ZNF300: variants seen among roughly 807,000 people sequenced by gnomAD.
ZNF300 encodes kruppel-like zinc finger protein.
Under a neutral mutation model 13.9 loss-of-function variants are expected in ZNF300, and 6 were observed. The observed-to-expected ratio is 0.43, with a 90% CI of 0.24 to 0.85. The LOEUF (loss-of-function observed/expected upper bound fraction) is 0.85, where lower values mean the gene tolerates loss of function less well. Ranked by LOEUF, ZNF300 falls within the 40% of genes least tolerant of loss-of-function variation. The probability of loss-of-function intolerance (pLI) is 0.25; values close to 1 mark genes in which losing one functional copy is unlikely to be tolerated. For synonymous variants in ZNF300, 237 were observed against 242.2 expected (o/e 0.98, Z 0.20); for missense variants, 662 against 714.2 (o/e 0.93, Z 0.83).
rs781493223 is a variant in ZNF300, at chr5:150,896,465, T to C, written c.774A>G (p.Gln258=). The C allele has an allele frequency of 9.9e-6, 16 of 1,613,428 alleles. No individual in the cohort carries two copies. The highest frequency in any genetic ancestry group is 3.3e-5 in the Admixed American group (2 of 59,886). The part of the protein sequence containing the change: ...NVFRNTQSLI[Q]YQNVETKEKS... ...TCTCTTTAGTTTCCACATTCTGATA[T>C]TGAATAAGGGATTGTGTATTTCTAA... is the stretch of plus-strand genomic sequence containing the variant. The change falls in exon 6 of 6, where the codon CAA becomes CAG. Residue 258 remains glutamine (Q), a synonymous_variant. Transcript: ENST00000274599.
intron 3 of ZNF300, among the ~76,000 whole-genome samples, chr5:150,902,835 G>A (rs1225935070): frequency 2.6e-5 from 4 of 152,134 alleles, no homozygotes; most frequent in Admixed American, 6.5e-5. Context: ...AAGCCAAAAA[G>A]GAATTTATTT....
At position 150,897,912 on chromosome 5, in the gene ZNF300, T is replaced by C. The variant is rs962743024; in HGVS notation, c.265+150A>G. On this transcript the variant is annotated intron_variant, in intron 5 of 5. Transcript: ENST00000274599. ...CACAAGAGACAGGATCAACAACAAATAGAACTCCTCTGAAAGGCTTCACAA... is the reference window on the plus strand; with the variant it reads ...CACAAGAGACAGGATCAACAACAAACAGAACTCCTCTGAAAGGCTTCACAA... 23 of 840,474 alleles carry C rather than the reference T, an allele frequency of 2.7e-5. No homozygotes were observed. The African/African-American group carries it at 3.6e-4, about 13-fold the overall frequency. 52.1% of individuals were successfully genotyped at this position (840,474 alleles called of 1,614,324 possible).
At chr5:150,902,991 T>A in intron 3 of ZNF300, 150 bp downstream of exon 3, 1 of 795,536 alleles carries the variant, frequency 1.3e-6, no homozygotes. Context: ...GCCAGCCAGG[T>A]TTTTTACATA....
In ZNF300 at chr5:150,896,409, G is replaced by T; in HGVS notation, c.830C>A (p.Ala277Asp). 6.2e-7 allele frequency: 1 copy of T among 1,613,582 alleles called. No individual in the cohort carries two copies. The highest frequency in any genetic ancestry group is 8.5e-7 in the Non-Finnish European group (1 of 1,179,836). ...AATGAGTTGTGACTTCTTAGCAAAG[G>T]CTTTTCCACATGTAACACATACACA... ...KSCVCVTCGK[A>D]FAKKSQLIVH... Residue 277 changes from alanine (A) to aspartate (D), a missense_variant, in exon 6 of 6, where the codon GCC becomes GAC. Ala to Asp is a moderately radical substitution (Grantham distance 126). Transcript: ENST00000274599.
intron 3 of ZNF300, among the ~76,000 whole-genome samples, chr5:150,901,119 T>G (rs1351439503): frequency 6.6e-6 from 1 of 152,030 alleles, no homozygotes; most frequent in African/African-American, 2.4e-5. Flanking sequence ...GGTAGGGAAC[T>G]AATATACAGC....
At chr5:150,904,311 C>G (rs1755076843) in intron 1 of ZNF300, among the ~76,000 whole-genome samples, 1 of 152,052 alleles carries the variant, frequency 6.6e-6, no homozygotes, top group Non-Finnish European at 1.5e-5. Flanking sequence ...ATGTGGCTGA[C>G]CACCATGACA....
chr5:150,902,316 CA>C (rs1407728165), intron 3 of ZNF300, among the ~76,000 whole-genome samples: 1 of 152,046 alleles, frequency 6.6e-6, no homozygotes, highest in African/African-American at 2.4e-5. Flanking sequence ...AAAGATTTGC[CA>C]GATAAATATA....
chr5:150,896,136 AG>A lies in ZNF300; in HGVS notation c.1102del (p.Leu368SerfsTer29). 6.2e-7 allele frequency: 1 copy of A among 1,613,338 alleles called. No homozygotes were observed. Among genetic ancestry groups the A allele is most frequent in the Non-Finnish European group, 8.5e-7 (1 of 1,179,702 alleles). ...AGTATGTATTCTCTGATGTATAATGAGGGGTGATTTCTGGGAGAAGGCTTTC... is the reference window on the plus strand; with the variant it reads ...AGTATGTATTCTCTGATGTATAATGAGGGTGATTTCTGGGAGAAGGCTTTC... ...CGKAFSQKSP[L>X]IIHQRIHTGE... On this transcript the variant is annotated frameshift_variant, in exon 6 of 6. Coordinates refer to ENST00000274599, the MANE Select transcript of ZNF300 (RefSeq NM_052860.4). LOFTEE classifies it low-confidence loss of function (END_TRUNC).
rs775322249 is a variant in ZNF300, at chr5:150,896,630, A to C, written c.609T>G (p.Cys203Trp). Residue 203 changes from cysteine to tryptophan, a missense_variant, in exon 6 of 6, where the codon TGT becomes TGG. By Grantham distance (215) the Cys-to-Trp change is radical. Transcript: ENST00000274599. ...NLKPNIDLPS[C>W]YKSNSRKKPD... ...GTTTTTTTCTTGAATTGCTCTTATA[A>C]CAACTCGGTAGGTCAATATTTGGTT... is the stretch of plus-strand genomic sequence containing the variant. 4 of 1,613,498 alleles carry C rather than the reference A, an allele frequency of 2.5e-6. No individual in the cohort carries two copies. In the African/African-American group the frequency reaches 4.0e-5, roughly 16 times the overall value.
intron 2 of ZNF300, 195 bp from the exon 3 acceptor site, chr5:150,903,377 C>T (rs754188485): frequency 5.8e-6 from 9 of 1,543,360 alleles, no homozygotes; most frequent in South Asian, 2.4e-5. Flanking sequence ...CTTTACTCCT[C>T]TTGTACCTAT....
At chr5:150,902,071 G>A (rs1323674651) in intron 3 of ZNF300, among the ~76,000 whole-genome samples, 2 of 152,124 alleles carry the variant, frequency 1.3e-5, no homozygotes, top group African/African-American at 4.8e-5. Context: ...AGAAGCAATG[G>A]TTAACACTGA....
intron 3 of ZNF300, among the ~76,000 whole-genome samples, chr5:150,900,345 C>G (rs1754949661): frequency 6.6e-6 from 1 of 152,002 alleles, no homozygotes; most frequent in South Asian, 2.1e-4. Context: ...TCACTCTGCC[C>G]TTTCTACTTT....
At position 150,896,927 on chromosome 5, in the gene ZNF300, T is replaced by G. The variant is rs144492882; in HGVS notation, c.312A>C (p.Thr104=). 27 of 1,613,162 alleles carry G rather than the reference T, an allele frequency of 1.7e-5. No individual in the cohort carries two copies. The Admixed American group carries it at 4.5e-4, about 27-fold the overall frequency. ...LHNSQSCILG[T]VSFHHKILKG... is the part of the protein sequence containing the mutation. Reference sequence around the variant, plus strand: ...TCAGTATCTTATGATGGAAGGAAACTGTCCCCAAAATACATGACTGGGAGT... The same window carrying G: ...TCAGTATCTTATGATGGAAGGAAACGGTCCCCAAAATACATGACTGGGAGT... Residue 104 remains threonine, a synonymous_variant, in exon 6 of 6, where the codon ACA becomes ACC. Coordinates refer to ENST00000274599, the MANE Select transcript of ZNF300 (RefSeq NM_052860.4).
In ZNF300 at chr5:150,902,234, G is replaced by A. The variant is rs1425784587; in HGVS notation, c.15+907C>T. 2.6e-5 allele frequency among the ~76,000 whole-genome samples: 4 copies of A among 152,138 alleles called. 1 individual carries two copies. The highest frequency in any genetic ancestry group is 1.3e-4 in the Admixed American group (2 of 15,270). ...GGGAGAGCAAAGAAGGAACAGCCTT[G>A]AACTTGACACTAATCCTACAAATTC... On this transcript the variant is annotated intron_variant, in intron 3 of 5. Transcript: ENST00000274599.
chr5:150,904,945 A>T lies in ZNF300; in HGVS notation c.-383T>A, dbSNP rs980692427. The T allele has an allele frequency of 6.6e-6, 1 of 152,312 alleles. No homozygotes were observed. The highest frequency in any genetic ancestry group is 2.4e-5 in the African/African-American group (1 of 41,422). The allele number at this position is 152,312 out of a possible 1,614,324, so 9.4% of individuals were successfully genotyped here. A position where few individuals can be genotyped will look rare whatever the true frequency, so the allele number is the denominator to read the frequency against. The stretch of plus-strand genomic sequence containing the variant: ...GGCTGCTCCCTGGAGCTGTTTCCGC[A>T]TGGGGCCGCCATCTTGAGAGCCCGG... On this transcript the variant is annotated 5_prime_UTR_variant, in exon 1 of 6. The change abolishes an upstream ATG in the 5' untranslated region. Transcript: ENST00000274599.
chr5:150,896,173 T>C lies in ZNF300; in HGVS notation c.1066A>G (p.Ser356Gly). 2 of 1,613,554 alleles carry C rather than the reference T, an allele frequency of 1.2e-6. No individual in the cohort carries two copies. Among genetic ancestry groups the C allele is most frequent in the Non-Finnish European group, 1.7e-6 (2 of 1,179,782 alleles). Residue 356 changes from serine (S) to glycine (G), a missense_variant, in exon 6 of 6, where the codon AGT (serine) becomes GGT (glycine). By Grantham distance (56) the Ser-to-Gly change is moderately conservative. Transcript: ENST00000274599. Reference sequence around the variant, plus strand: ...TGGGAGAAGGCTTTCCCGCATTCACTACATTCATAGGGTTTTTCCCCAGTG... The same window carrying C: ...TGGGAGAAGGCTTTCCCGCATTCACCACATTCATAGGGTTTTTCCCCAGTG... ...VHTGEKPYEC[S>G]ECGKAFSQKS... is the part of the protein sequence containing the mutation.
At position 150,896,726 on chromosome 5, in the gene ZNF300, A is replaced by C. The variant is rs142975240; in HGVS notation, c.513T>G (p.Phe171Leu). ...ATATATCTGTTTCTATGCACTCTTG[A>C]AATATTTTCCCCAGTGGATTATATT... ...GHKYNPLGKIFQECIETDISI... is the reference protein window; with the variant it reads ...GHKYNPLGKILQECIETDISI... Residue 171 changes from phenylalanine (F) to leucine (L), a missense_variant, in exon 6 of 6, where the codon TTT (phenylalanine) becomes TTG (leucine). Physicochemically the swap from Phe to Leu is conservative, Grantham distance 22 (BLOSUM62 0). Coordinates refer to ENST00000274599, the MANE Select transcript of ZNF300 (RefSeq NM_052860.4). 2.2e-3 allele frequency: 3,559 copies of C among 1,613,598 alleles called. 121 individuals are homozygous for C. In the Admixed American group the frequency reaches 0.051, roughly 23 times the overall value.
intron 5 of ZNF300, chr5:150,897,819 G>A (rs1754847821): frequency 4.7e-6 from 2 of 422,804 alleles, no homozygotes; most frequent in Non-Finnish European, 8.3e-6. Flanking sequence ...TTCTTGAAAG[G>A]AATTTGCCTT....
intron 4 of ZNF300, 76 bp from the exon 5 acceptor site, chr5:150,898,260 T>G: frequency 1.3e-6 from 2 of 1,599,804 alleles, no homozygotes; most frequent in Non-Finnish European, 1.7e-6. Context: ...TCAGATGGTC[T>G]ACAATAAAGC....
Sources: gnomAD v4.1 joint callset for allele counts (sites outside exome capture counted in the v4.1 genomes callset) on GRCh38, gnomAD v4.1.1 for gene constraint, MANE v1.5 for transcripts, NCBI Gene and HGNC (gene_info 2026-07-23, HGNC 2026-07-21) for gene names.